The following NLRP8 variants were observed in gnomAD, a reference collection of about 807,000 sequenced individuals.
NLRP8 encodes the protein NACHT, LRR and PYD domains-containing protein 8.
NLRP8 carries 86 observed loss-of-function variants against 88.7 expected under a neutral mutation model. That is an observed-to-expected ratio of 0.97 (90% CI 0.81 to 1.16). The LOEUF is 1.16. NLRP8 is among the 50% of genes most tolerant of loss of function. NLRP8 has a pLI of 0.00. For synonymous variants in NLRP8, 504 were observed against 494.6 expected, an observed-to-expected ratio of 1.02 and a Z score of -0.25; for missense variants, 1,342 against 1,286.5, an observed-to-expected ratio of 1.04 and a Z score of -0.66.
In NLRP8 at chr19:55,952,536, A is replaced by T. The variant is rs752545438; in HGVS notation, c.368-2A>T. The T allele has an allele frequency of 2.4e-5, 38 of 1,613,222 alleles. No individual in the cohort carries two copies. The highest frequency in any genetic ancestry group is 3.1e-5 in the Non-Finnish European group (37 of 1,179,386). ...GGAACAGCCTCCTTTTTTCTGTTAC[A>T]GCCATTCTGCCTACCTTGGAACCAG... On this transcript the variant is annotated splice_acceptor_variant, in intron 1 of 9. Coordinates refer to ENST00000291971, the MANE Select transcript of NLRP8 (RefSeq NM_176811.2). LOFTEE classifies it high-confidence loss of function.
intron 5 of NLRP8, among the ~76,000 whole-genome samples, chr19:55,968,951 G>A (rs545461216): frequency 7.9e-5 from 12 of 152,028 alleles, no homozygotes; most frequent in African/African-American, 2.9e-4. Context: ...CCCACTCCTC[G>A]CTCAGTGACC....
Position 55,955,139 on chromosome 19 carries a change from GA to G in NLRP8, c.1087del (p.Ile363SerfsTer18). 6.2e-7 allele frequency: 1 copy of G among 1,613,982 alleles called. No homozygotes were observed. The highest frequency in any genetic ancestry group is 8.5e-7 in the Non-Finnish European group (1 of 1,179,894). On this transcript the variant is annotated frameshift_variant, in exon 3 of 10. Transcript: ENST00000291971. LOFTEE classifies it high-confidence loss of function. ...AACCCTTCCGGGGTTTAATACGATG[GA>G]AAAAATCAAGTATTTCCAGATGTAT... is the stretch of plus-strand genomic sequence containing the variant.
At position 55,952,536 on chromosome 19, in the gene NLRP8, A is replaced by G. The variant is rs752545438; in HGVS notation, c.368-2A>G. On this transcript the variant is annotated splice_acceptor_variant, in intron 1 of 9. Transcript: ENST00000291971. LOFTEE classifies it high-confidence loss of function. ...GGAACAGCCTCCTTTTTTCTGTTAC[A>G]GCCATTCTGCCTACCTTGGAACCAG... is the stretch of plus-strand genomic sequence containing the variant. 1 of 1,613,342 alleles carries G rather than the reference A, an allele frequency of 6.2e-7. No individual in the cohort carries two copies. Among genetic ancestry groups the G allele is most frequent in the Admixed American group, 1.7e-5 (1 of 59,998 alleles).
At chr19:55,979,596 C>T in intron 9 of NLRP8, 32 bp downstream of exon 9, 2 of 1,612,128 alleles carry the variant, frequency 1.2e-6, no homozygotes, top group Non-Finnish European at 1.7e-6. Flanking sequence ...TGTGCAAAAC[C>T]TACCACACAA....
chr19:55,950,090 GT>G (rs1477522015), intron 1 of NLRP8, among the ~76,000 whole-genome samples: 1 of 151,928 alleles, frequency 6.6e-6, no homozygotes, highest in Non-Finnish European at 1.5e-5. Context: ...AACAGAAAAT[GT>G]TAATATTTAT....
chr19:55,955,818 T>G lies in NLRP8; in HGVS notation c.1760T>G (p.Leu587Arg). The G allele has an allele frequency of 6.2e-7, 1 of 1,614,202 alleles. No homozygotes were observed. The highest frequency in any genetic ancestry group is 1.1e-5 in the South Asian group (1 of 91,084). Residue 587 changes from leucine (L) to arginine (R), a missense_variant, in exon 3 of 10, where the codon CTG becomes CGG. Physicochemically the swap from Leu to Arg is moderately radical, Grantham distance 102. Transcript: ENST00000291971. Reference sequence around the variant, plus strand: ...GTGTCTTTCGGTAATAAGAGGAAACTGCTGAAAGTCATACCTCTGTTGCAT... The same window carrying G: ...GTGTCTTTCGGTAATAAGAGGAAACGGCTGAAAGTCATACCTCTGTTGCAT...
intron 1 of NLRP8, 56 bp from the exon 2 acceptor site, chr19:55,952,482 C>T: frequency 2.1e-6 from 3 of 1,461,434 alleles, no homozygotes; most frequent in South Asian, 2.3e-5. Flanking sequence ...CATGCTGTTT[C>T]CCTGCTACCA....
At chr19:55,977,267 C>T (rs1980388801) in intron 8 of NLRP8, among the ~76,000 whole-genome samples, 1 of 144,286 alleles carries the variant, frequency 6.9e-6, no homozygotes, top group South Asian at 2.1e-4. Context: ...TATGTGTACA[C>T]ATATATGTAC....
rs756529275 is a variant in NLRP8, at chr19:55,973,761, G to A, written c.2644G>A (p.Glu882Lys). 7 of 1,614,120 alleles carry A rather than the reference G, an allele frequency of 4.3e-6. No individual in the cohort carries two copies. The Admixed American group carries it at 1.2e-4, about 27-fold the overall frequency. ...CTTGGCAGAAAACGCCTTGAAAGAT[G>A]AAGGGGCCAAGCATATTTGGAATGC... The change falls in exon 7 of 10, where the codon GAA (glutamate) becomes AAA (lysine). Residue 882 changes from glutamate to lysine, a missense_variant. Physicochemically the swap from Glu to Lys is moderately conservative, Grantham distance 56. Transcript: ENST00000291971.
At chr19:55,984,629 G>A (rs189864159) in intron 9 of NLRP8, among the ~76,000 whole-genome samples, 13 of 143,634 alleles carry the variant, frequency 9.1e-5, no homozygotes, top group Admixed American at 8.7e-4. Flanking sequence ...ACTCCAGCCT[G>A]GGCAACAAAA....
chr19:55,967,191 C>T (rs761065503), intron 5 of NLRP8, among the ~76,000 whole-genome samples: 1 of 152,104 alleles, frequency 6.6e-6, no homozygotes, highest in Non-Finnish European at 1.5e-5. Flanking sequence ...CCGTTTATGC[C>T]CGAGGCTGCA....
Position 55,948,179 on chromosome 19 carries a change from C to G in NLRP8, c.277C>G (p.Pro93Ala), listed in dbSNP as rs1978934629. The stretch of plus-strand genomic sequence containing the variant: ...GGTTCATCTCTTGATAGAGCGTTTC[C>G]CTGGACGACGCGCTTGGGATGTGAC... The change falls in exon 1 of 10, where the codon CCT (proline) becomes GCT (alanine). Residue 93 changes from proline to alanine, a missense_variant. Physicochemically the swap from Pro to Ala is conservative, Grantham distance 27. Transcript: ENST00000291971. 4 of 1,614,140 alleles carry G rather than the reference C, an allele frequency of 2.5e-6. No individual in the cohort carries two copies. Among genetic ancestry groups the G allele is most frequent in the Non-Finnish European group, 3.4e-6 (4 of 1,180,032 alleles).
At chr19:55,951,634 T>A (rs533488110) in intron 1 of NLRP8, among the ~76,000 whole-genome samples, 1 of 152,308 alleles carries the variant, frequency 6.6e-6, no homozygotes, top group East Asian at 1.9e-4. Flanking sequence ...TCATGTAAAA[T>A]GGCATAGTAT....
rs772944400 is a variant in NLRP8 at position 55,948,938 on chromosome 19, G to A, written c.367+669G>A. 1.3e-4 allele frequency among the ~76,000 whole-genome samples: 20 copies of A among 152,248 alleles called. 1 individual carries two copies. The highest frequency in any genetic ancestry group is 1.2e-3 in the South Asian group (6 of 4,820). ...GTTAAACACTTTAAAAGGCCATTTC[G>A]CAGCAACAAAGGGTGAATCCCACTG... is the stretch of plus-strand genomic sequence containing the variant. On this transcript the variant is annotated intron_variant, in intron 1 of 9. Transcript: ENST00000291971.
At position 55,955,365 on chromosome 19, in the gene NLRP8, C is replaced by G; in HGVS notation, c.1307C>G (p.Pro436Arg). 6.2e-7 allele frequency: 1 copy of G among 1,614,134 alleles called. No homozygotes were observed. The highest frequency in any genetic ancestry group is 8.5e-7 in the Non-Finnish European group (1 of 1,180,028). The stretch of plus-strand genomic sequence containing the variant: ...GTCCGGTATATTTCTAGCTTGTTTC[C>G]CACCAGAGCTGAGAACTTTTCCAGA... Residue 436 changes from proline (P) to arginine (R), a missense_variant, in exon 3 of 10, where the codon CCC becomes CGC. Pro to Arg is a moderately radical substitution (Grantham distance 103). Transcript: ENST00000291971.
chr19:55,978,728 T>A (rs1365004271), intron 8 of NLRP8, among the ~76,000 whole-genome samples: 2 of 152,162 alleles, frequency 1.3e-5, no homozygotes, highest in Non-Finnish European at 1.5e-5. Flanking sequence ...AACTTTTCAG[T>A]GAGTACTGTG....
At chr19:55,978,282 A>G (rs886304939) in intron 8 of NLRP8, among the ~76,000 whole-genome samples, 4 of 152,144 alleles carry the variant, frequency 2.6e-5, no homozygotes, top group African/African-American at 4.8e-5. Flanking sequence ...ATGGCGAGTT[A>G]CTGAGATTAT....
intron 6 of NLRP8, among the ~76,000 whole-genome samples, chr19:55,972,809 ATG>A (rs3055424): frequency 0.26 from 35,282 of 134,856 alleles, 4,435 homozygotes; most frequent in East Asian, 0.39. Flanking sequence ...GTGTGTGTGT[ATG>A]TGTGTGTGTG....
chr19:55,982,988 G>A (rs943006486), intron 9 of NLRP8, among the ~76,000 whole-genome samples: 13 of 152,032 alleles, frequency 8.6e-5, no homozygotes, highest in African/African-American at 2.4e-5. Context: ...TAGGAACAAG[G>A]AGCCTGATTG....
Sources: gnomAD v4.1 joint callset for allele counts (sites outside exome capture counted in the v4.1 genomes callset) on GRCh38, gnomAD v4.1.1 for gene constraint, MANE v1.5 for transcripts, NCBI Gene and HGNC (gene_info 2026-07-23, HGNC 2026-07-21) for gene names.